Variants in GPC5 observed in about 807,000 individuals in gnomAD.
GPC5 encodes the protein glypican 5.
GPC5 carries 47 observed loss-of-function variants against 53.9 expected under a neutral mutation model. The ratio of observed to expected loss-of-function variants is 0.87; its 90% CI spans 0.69 to 1.11. The LOEUF (loss-of-function observed/expected upper bound fraction) is 1.11. Ranked by LOEUF, GPC5 falls within the 50% of genes most tolerant of loss-of-function variation. The pLI, the probability that GPC5 is intolerant of heterozygous loss-of-function variation, is 0.00. For missense variants in GPC5, 748 were observed against 713.1 expected, an observed-to-expected ratio of 1.05 and a Z score of -0.56; for synonymous variants, 286 against 263.3, an observed-to-expected ratio of 1.09 and a Z score of -0.84.
chr13:92,495,406 G>T (rs1405956077), intron 7 of GPC5, among the ~76,000 whole-genome samples: 1 of 151,986 alleles, frequency 6.6e-6, no homozygotes, highest in African/African-American at 2.4e-5. Flanking sequence ...TTCATACCTA[G>T]CAGCATACCA....
At chr13:91,950,182 T>C (rs2040013473) in intron 6 of GPC5, among the ~76,000 whole-genome samples, 1 of 151,992 alleles carries the variant, frequency 6.6e-6, no homozygotes, top group South Asian at 2.1e-4. Context: ...TTTTATGATT[T>C]GCCACCACAC....
chr13:92,494,402 A>G (rs558156761), intron 7 of GPC5, among the ~76,000 whole-genome samples: 1 of 152,256 alleles, frequency 6.6e-6, no homozygotes, highest in East Asian at 1.9e-4. Context: ...AATTACTTTT[A>G]AATCTACTGA....
At chr13:92,302,737 AC>A (rs1250829882) in intron 7 of GPC5, among the ~76,000 whole-genome samples, 4 of 152,076 alleles carry the variant, frequency 2.6e-5, no homozygotes, top group Non-Finnish European at 5.9e-5. Flanking sequence ...CCTGGACTAA[AC>A]CCTCTTGTTT....
At chr13:91,734,618 G>C (rs771119375) in intron 4 of GPC5, among the ~76,000 whole-genome samples, 15 of 151,412 alleles carry the variant, frequency 9.9e-5, no homozygotes, top group Non-Finnish European at 1.5e-4. Context: ...ATTACATAGT[G>C]GTTTTACTTA....
chr13:92,615,369 G>A lies in GPC5; in HGVS notation c.1562-250913G>A, dbSNP rs192563474. ...TTAAACCACAAAAAGAGAAGCTTGC[G>A]TTTCCAGAAGTATGGAAAATGCAAA... On this transcript the variant is annotated intron_variant, in intron 7 of 7. Coordinates refer to ENST00000377067, the MANE Select transcript of GPC5 (RefSeq NM_004466.6). 1.2e-4 allele frequency among the ~76,000 whole-genome samples: 19 copies of A among 152,266 alleles called. No individual in the cohort carries two copies. The East Asian group carries it at 3.1e-3, about 25-fold the overall frequency.
At chr13:91,896,116 AAT>A in intron 5 of GPC5, among the ~76,000 whole-genome samples, 1 of 139,290 alleles carries the variant, frequency 7.2e-6, no homozygotes, top group African/African-American at 2.9e-5. Flanking sequence ...AATTTTTTCT[AAT>A]TTTTTTTTTT....
chr13:92,852,901 T>C (rs1450185704), intron 7 of GPC5, among the ~76,000 whole-genome samples: 1 of 152,190 alleles, frequency 6.6e-6, no homozygotes, highest in African/African-American at 2.4e-5. Flanking sequence ...GGGGGCAATT[T>C]GTTTTTCCAG....
At chr13:91,563,537 C>T (rs1461607726) in intron 2 of GPC5, among the ~76,000 whole-genome samples, 2 of 152,120 alleles carry the variant, frequency 1.3e-5, no homozygotes, top group African/African-American at 4.8e-5. Context: ...AAACTATTAG[C>T]AACTTCACAG....
At chr13:91,488,437 A>G (rs1883738676) in intron 2 of GPC5, among the ~76,000 whole-genome samples, 1 of 152,194 alleles carries the variant, frequency 6.6e-6, no homozygotes, top group Non-Finnish European at 1.5e-5. Flanking sequence ...GGGACCCCGA[A>G]CGGAGGGACC....
At chr13:92,583,938 G>A (rs182641412) in intron 7 of GPC5, among the ~76,000 whole-genome samples, 9 of 152,218 alleles carry the variant, frequency 5.9e-5, no homozygotes, top group Admixed American at 5.9e-4. Context: ...TGCCATCCAC[G>A]TAAGATGTGA....
chr13:92,578,769 A>G (rs748783038), intron 7 of GPC5, among the ~76,000 whole-genome samples: 1 of 152,222 alleles, frequency 6.6e-6, no homozygotes, highest in Non-Finnish European at 1.5e-5. Flanking sequence ...TTTGCCAGCT[A>G]TCTGTGTATT....
intron 7 of GPC5, among the ~76,000 whole-genome samples, chr13:92,740,960 G>GTGTGTGTATA (rs35795926): frequency 8.5e-6 from 1 of 117,700 alleles, no homozygotes; most frequent in Non-Finnish European, 1.9e-5. Context: ...ATATGTATGT[G>GTGTGTGTATA]TATATATATA....
intron 1 of GPC5, among the ~76,000 whole-genome samples, chr13:91,439,178 C>T (rs1880233743): frequency 6.6e-6 from 1 of 152,276 alleles, no homozygotes; most frequent in East Asian, 1.9e-4. Flanking sequence ...GGTTCTCAAC[C>T]AGAGATGGTT....
intron 7 of GPC5, among the ~76,000 whole-genome samples, chr13:92,150,743 G>T (rs1213440249): frequency 1.3e-5 from 2 of 151,956 alleles, no homozygotes; most frequent in Non-Finnish European, 2.9e-5. Context: ...GCTTAGAGGA[G>T]CCCTCCTAGC....
At chr13:92,842,240 G>A (rs946473555) in intron 7 of GPC5, among the ~76,000 whole-genome samples, 4 of 152,250 alleles carry the variant, frequency 2.6e-5, no homozygotes, top group Admixed American at 2.6e-4. Context: ...ACTGAGGGAT[G>A]TTGGCAGAAA....
At chr13:91,470,998 G>T (rs1311851964) in intron 2 of GPC5, among the ~76,000 whole-genome samples, 1 of 152,024 alleles carries the variant, frequency 6.6e-6, no homozygotes, top group Non-Finnish European at 1.5e-5. Context: ...TCCATGAAGT[G>T]CTGATTACGA....
intron 2 of GPC5, among the ~76,000 whole-genome samples, chr13:91,495,479 C>G (rs9589257): frequency 0.081 from 12,381 of 152,230 alleles, 575 homozygotes; most frequent in African/African-American, 0.12. Context: ...GACATCTTCT[C>G]TGATGTCATC....
At chr13:91,826,664 T>C (rs1398776436) in intron 5 of GPC5, among the ~76,000 whole-genome samples, 3 of 152,106 alleles carry the variant, frequency 2.0e-5, no homozygotes, top group Non-Finnish European at 4.4e-5. Flanking sequence ...GAGTATTCAG[T>C]AGTGTATGGA....
rs149154825 is a variant in GPC5 at position 92,542,225 on chromosome 13, A to G, written c.1562-324057A>G. Among the ~76,000 whole-genome samples, 449 of 152,108 alleles carry G rather than the reference A, an allele frequency of 3.0e-3. 2 individuals are homozygous for G. Among genetic ancestry groups the G allele is most frequent in the African/African-American group, 0.01 (417 of 41,554 alleles). The stretch of plus-strand genomic sequence containing the variant: ...CTCTCTCCCACCTATTTGAAAATAT[A>G]CTAAGTTGTTAAATGTAGTCACTCT... On this transcript the variant is annotated intron_variant, in intron 7 of 7. Coordinates refer to ENST00000377067, the MANE Select transcript of GPC5 (RefSeq NM_004466.6).
Sources: allele counts gnomAD v4.1 joint callset (sites outside exome capture counted in the v4.1 genomes callset), GRCh38; gene constraint gnomAD v4.1.1; transcripts MANE v1.5; gene names NCBI Gene and HGNC (gene_info 2026-07-23, HGNC 2026-07-21).